Variants in SNTB1 observed in about 807,000 individuals in gnomAD.
SNTB1 encodes syntrophin beta 1.
Under a neutral mutation model 48.9 loss-of-function variants are expected in SNTB1, and 36 were observed. The observed-to-expected ratio is 0.74, with a 90% confidence interval of 0.56 to 0.97. The LOEUF (loss-of-function observed/expected upper bound fraction) is 0.97, where lower values mean the gene tolerates loss of function less well. Ranked by LOEUF, SNTB1 falls within the 50% of genes least tolerant of loss-of-function variation. The pLI, the probability that SNTB1 is intolerant of heterozygous loss-of-function variation, is 0.00. For synonymous variants in SNTB1, 299 were observed against 294.6 expected (o/e 1.01, Z -0.15); for missense variants, 786 against 703.4 (o/e 1.12, Z -1.33).
intron 3 of SNTB1, among the ~76,000 whole-genome samples, chr8:120,621,751 C>T (rs1483360606): frequency 6.6e-6 from 1 of 152,118 alleles, no homozygotes; most frequent in Non-Finnish European, 1.5e-5. Context: ...AACCAACTAT[C>T]ATTCCATCTT....
chr8:120,669,157 C>G (rs1169531489), intron 2 of SNTB1, among the ~76,000 whole-genome samples: 1 of 152,190 alleles, frequency 6.6e-6, no homozygotes, highest in Non-Finnish European at 1.5e-5. Flanking sequence ...TGACATTTTG[C>G]CTGGATCTGA....
At chr8:120,697,761 A>T (rs538376058) in intron 1 of SNTB1, among the ~76,000 whole-genome samples, 1 of 152,372 alleles carries the variant, frequency 6.6e-6, no homozygotes, top group Non-Finnish European at 1.5e-5. Context: ...ACAAAGCTAT[A>T]GTATGTTTAC....
intron 1 of SNTB1, among the ~76,000 whole-genome samples, chr8:120,706,294 TACTC>T (rs1818374923): frequency 6.6e-6 from 1 of 152,176 alleles, no homozygotes; most frequent in African/African-American, 2.4e-5. Context: ...ATTAAGCACT[TACTC>T]TGTGCATTGT....
chr8:120,611,973 T>G (rs888205028), intron 3 of SNTB1, among the ~76,000 whole-genome samples: 1 of 152,136 alleles, frequency 6.6e-6, no homozygotes, highest in Non-Finnish European at 1.5e-5. Context: ...TCGGCTCACA[T>G]GTCTTCTCTG....
intron 2 of SNTB1, among the ~76,000 whole-genome samples, chr8:120,645,673 T>G (rs1316549109): frequency 1.8e-4 from 23 of 125,724 alleles, no homozygotes; most frequent in South Asian, 1.3e-3. Context: ...ATATGAACTT[T>G]AAAGTAGTTT....
intron 4 of SNTB1, among the ~76,000 whole-genome samples, chr8:120,573,573 G>T (rs1563820892): frequency 1.3e-5 from 2 of 151,798 alleles, no homozygotes; most frequent in Non-Finnish European, 2.9e-5. Context: ...TGCTTTTGTT[G>T]CCTGTGCTAT....
chr8:120,560,816 G>A (rs1815640919), intron 4 of SNTB1, among the ~76,000 whole-genome samples: 1 of 152,176 alleles, frequency 6.6e-6, no homozygotes, highest in South Asian at 2.1e-4. Flanking sequence ...GCATTATCTT[G>A]TTTAATTGCC....
At position 120,811,815 on chromosome 8, in the gene SNTB1, G is replaced by A. The variant is rs1226503185; in HGVS notation, c.29C>T (p.Ala10Val). 2 of 1,278,508 alleles carry A rather than the reference G, an allele frequency of 1.6e-6. No individual in the cohort carries two copies. The highest frequency in any genetic ancestry group is 2.6e-5 in the South Asian group (1 of 38,892). 79.2% of individuals were successfully genotyped at this position (1,278,508 alleles called of 1,614,324 possible). ...GCCGCCTCCCGCGCCAGCCGGCCCA[G>A]CCGCCGCCGCCGCCGCCGCTACCGC... MAVAAAAAAAGPAGAGGGRA... is the reference protein window; with the variant it reads MAVAAAAAAVGPAGAGGGRA... The change falls in exon 1 of 7, where the codon GCT (alanine) becomes GTT (valine). Residue 10 changes from alanine to valine, a missense_variant. Transcript: ENST00000517992.
chr8:120,652,770 C>T (rs1817429018), intron 2 of SNTB1, among the ~76,000 whole-genome samples: 1 of 152,058 alleles, frequency 6.6e-6, no homozygotes. Flanking sequence ...TGCTTTGTGA[C>T]CTGATGTTAG....
chr8:120,583,701 C>G (rs1816086831), intron 3 of SNTB1, among the ~76,000 whole-genome samples: 1 of 152,094 alleles, frequency 6.6e-6, no homozygotes, highest in African/African-American at 2.4e-5. Context: ...ATATATAATT[C>G]TTTCAGAAAA....
At chr8:120,616,175 AT>A (rs973027653) in intron 3 of SNTB1, among the ~76,000 whole-genome samples, 1 of 152,156 alleles carries the variant, frequency 6.6e-6, no homozygotes, top group African/African-American at 2.4e-5. Context: ...TTAATAGTAC[AT>A]TTTGGGTAGT....
chr8:120,728,117 C>T (rs879351847), intron 1 of SNTB1, among the ~76,000 whole-genome samples: 1 of 152,158 alleles, frequency 6.6e-6, no homozygotes, highest in Non-Finnish European at 1.5e-5. Context: ...CCTCCACCTC[C>T]CAGGCTCAAG....
At chr8:120,742,176 T>C (rs1819051984) in intron 1 of SNTB1, among the ~76,000 whole-genome samples, 1 of 152,124 alleles carries the variant, frequency 6.6e-6, no homozygotes, top group South Asian at 2.1e-4. Flanking sequence ...AAAAATCAAT[T>C]CCTCTGACAG....
At chr8:120,681,788 C>T (rs1817935319) in intron 2 of SNTB1, among the ~76,000 whole-genome samples, 1 of 152,140 alleles carries the variant, frequency 6.6e-6, no homozygotes, top group African/African-American at 2.4e-5. Flanking sequence ...CCACTCCCCA[C>T]ATAGGTTCCA....
intron 2 of SNTB1, among the ~76,000 whole-genome samples, chr8:120,678,709 A>G (rs1049334915): frequency 2.6e-5 from 4 of 152,238 alleles, no homozygotes; most frequent in African/African-American, 9.6e-5. Context: ...ATAACTAGTT[A>G]TCACTTGTAT....
At chr8:120,640,782 G>A (rs537230636) in intron 2 of SNTB1, among the ~76,000 whole-genome samples, 1 of 152,284 alleles carries the variant, frequency 6.6e-6, no homozygotes, top group East Asian at 1.9e-4. Flanking sequence ...CAGTTTGCCA[G>A]TATTTTATTG....
chr8:120,805,233 T>G (rs56752858), intron 1 of SNTB1, among the ~76,000 whole-genome samples: 2 of 151,612 alleles, frequency 1.3e-5, no homozygotes, highest in African/African-American at 4.9e-5. Context: ...GCCCACCCTC[T>G]CCTCCAAACA....
chr8:120,775,152 A>G (rs1819709567), intron 1 of SNTB1: 1 of 152,210 alleles, frequency 6.6e-6, no homozygotes, highest in South Asian at 2.1e-4. Context: ...AAAATAGTCA[A>G]TCTGGCCTAG....
At chr8:120,713,469 T>C (rs958141932) in intron 1 of SNTB1, among the ~76,000 whole-genome samples, 1 of 152,218 alleles carries the variant, frequency 6.6e-6, no homozygotes, top group African/African-American at 2.4e-5. Context: ...TGGTGGCTCA[T>C]GCCTGTAATC....
Sources: allele counts gnomAD v4.1 joint callset (sites outside exome capture counted in the v4.1 genomes callset), GRCh38; gene constraint gnomAD v4.1.1; transcripts MANE v1.5; gene names NCBI Gene and HGNC (gene_info 2026-07-23, HGNC 2026-07-21).